The following CMIP variants were observed in gnomAD, a reference collection of about 807,000 sequenced individuals.
The protein encoded by CMIP is C-Maf-inducing protein.
A neutral mutation model predicts 97.3 loss-of-function variants in CMIP; 13 were observed. The ratio of observed to expected loss-of-function variants is 0.13; its 90% CI spans 0.09 to 0.21. The LOEUF (loss-of-function observed/expected upper bound fraction) is 0.21. Ranked by LOEUF, CMIP falls within the 10% of genes least tolerant of loss-of-function variation. The pLI is 1.00. For synonymous variants in CMIP, 538 were observed against 436.3 expected, an observed-to-expected ratio of 1.23 and a Z score of -2.91; for missense variants, 847 against 1,024.9, an observed-to-expected ratio of 0.83 and a Z score of 2.37.
chr16:81,564,555 T>A (rs2090945123), intron 1 of CMIP, among the ~76,000 whole-genome samples: 1 of 152,222 alleles, frequency 6.6e-6, no homozygotes. Context: ...AAAGCTGGCC[T>A]CTGCCAGCAG....
chr16:81,605,988 A>G (rs961083547), intron 1 of CMIP, among the ~76,000 whole-genome samples: 1 of 152,228 alleles, frequency 6.6e-6, no homozygotes, highest in African/African-American at 2.4e-5. Context: ...AGGCAGCTTC[A>G]GCCATCAACC....
rs139065394 is a variant in CMIP, at chr16:81,706,505, C to T, written c.2198-509C>T. Among the ~76,000 whole-genome samples, 78 of 152,338 alleles carry T rather than the reference C, an allele frequency of 5.1e-4. 1 individual carries two copies. The Middle Eastern group carries it at 0.01, about 20-fold the overall frequency. Reference sequence around the variant, plus strand: ...CTGGAGTCCCCCGGGGGGGCGCGGTCCTCATCAACAGCACAGATTCCTGGT... The same window carrying T: ...CTGGAGTCCCCCGGGGGGGCGCGGTTCTCATCAACAGCACAGATTCCTGGT... On this transcript the variant is annotated intron_variant, in intron 19 of 20. Transcript: ENST00000537098.
intron 1 of CMIP, among the ~76,000 whole-genome samples, chr16:81,573,087 T>TA (rs1482464437): frequency 6.6e-6 from 1 of 152,244 alleles, no homozygotes; most frequent in East Asian, 1.9e-4. Flanking sequence ...CTCATGCCTG[T>TA]AATCCCAGCA....
At chr16:81,558,898 G>A (rs1443708265) in intron 1 of CMIP, among the ~76,000 whole-genome samples, 2 of 152,252 alleles carry the variant, frequency 1.3e-5, no homozygotes, top group African/African-American at 4.8e-5. Flanking sequence ...CCCCAACCCC[G>A]CCACCAGGTA....
chr16:81,462,082 G>A (rs2150738869), intron 1 of CMIP, among the ~76,000 whole-genome samples: 1 of 152,074 alleles, frequency 6.6e-6, no homozygotes, highest in East Asian at 1.9e-4. Flanking sequence ...TTAAATTTTG[G>A]TCCATTTCTG....
Position 81,709,958 on chromosome 16 carries a change from G to A in CMIP, c.*159G>A, listed in dbSNP as rs965954015. 3.2e-6 allele frequency: 2 copies of A among 615,568 alleles called. No homozygotes were observed. Among genetic ancestry groups the A allele is most frequent in the South Asian group, 1.9e-5 (1 of 52,606 alleles). 38.1% of individuals were successfully genotyped at this position (615,568 alleles called of 1,614,324 possible). A position where few individuals can be genotyped will look rare whatever the true frequency, so the allele number is the denominator to read the frequency against. ...GCGGAGGGGGGAGGGGGTGGGGAGGGGGCCCACAAGCACGCCCAGCCCCCG... is the reference window on the plus strand; with the variant it reads ...GCGGAGGGGGGAGGGGGTGGGGAGGAGGCCCACAAGCACGCCCAGCCCCCG... On this transcript the variant is annotated 3_prime_UTR_variant, in exon 21 of 21. Transcript: ENST00000537098.
chr16:81,546,473 A>G (rs1003486142), intron 1 of CMIP, among the ~76,000 whole-genome samples: 1 of 152,070 alleles, frequency 6.6e-6, no homozygotes, highest in African/African-American at 2.4e-5. Context: ...CTTGGTGGGG[A>G]AGGAGAAGAG....
At chr16:81,558,584 G>T (rs983228045) in intron 1 of CMIP, among the ~76,000 whole-genome samples, 1 of 152,218 alleles carries the variant, frequency 6.6e-6, no homozygotes, top group African/African-American at 2.4e-5. Context: ...ACAGTGCCCA[G>T]GTGGAGACAG....
Position 81,699,672 on chromosome 16 carries a change from T to C in CMIP, c.1639-13T>C. The C allele has an allele frequency of 3.2e-6, 5 of 1,580,008 alleles. 1 individual carries two copies. The Middle Eastern group carries it at 8.3e-4, about 263-fold the overall frequency. On this transcript the variant is annotated splice_polypyrimidine_tract_variant and intron_variant, in intron 14 of 20. Transcript: ENST00000537098. Reference sequence around the variant, plus strand: ...TGTCTCTGTCCCTTCACCTGGGCCTTCTTGCCTCACAGGTGCACATCCTCA... The same window carrying C: ...TGTCTCTGTCCCTTCACCTGGGCCTCCTTGCCTCACAGGTGCACATCCTCA...
intron 1 of CMIP, among the ~76,000 whole-genome samples, chr16:81,585,166 A>C (rs1353456579): frequency 1.3e-5 from 2 of 152,036 alleles, no homozygotes; most frequent in Admixed American, 6.6e-5. Flanking sequence ...ATATGGCAAA[A>C]CCCTGTCTCT....
chr16:81,705,717 G>A, intron 19 of CMIP, 113 bp downstream of exon 19: 1 of 667,798 alleles, frequency 1.5e-6, no homozygotes, highest in Non-Finnish European at 2.6e-6. Context: ...AGAGAAATTC[G>A]TTCATTCACA....
intron 1 of CMIP, among the ~76,000 whole-genome samples, chr16:81,569,163 C>T (rs1597098961): frequency 6.6e-6 from 1 of 152,208 alleles, no homozygotes; most frequent in East Asian, 1.9e-4. Context: ...GGGGTGACCT[C>T]ACCTGGTTCT....
intron 2 of CMIP, among the ~76,000 whole-genome samples, chr16:81,618,129 A>T (rs2150957526): frequency 6.6e-6 from 1 of 152,226 alleles, no homozygotes; most frequent in Middle Eastern, 3.4e-3. Flanking sequence ...GCTTGCCCCT[A>T]ACTTTGTGGT....
chr16:81,589,414 A>G (rs536637451), intron 1 of CMIP, among the ~76,000 whole-genome samples: 6 of 152,266 alleles, frequency 3.9e-5, no homozygotes, highest in Admixed American at 1.3e-4. Context: ...GCTTTTCAAC[A>G]AATTTATATT....
intron 1 of CMIP, among the ~76,000 whole-genome samples, chr16:81,472,407 C>T (rs1047923526): frequency 2.0e-5 from 3 of 152,294 alleles, no homozygotes; most frequent in South Asian, 2.1e-4. Context: ...CTCATCTGGC[C>T]GCCCGTTCTG....
rs1192750311 is a variant in CMIP, at chr16:81,444,852, C to T, written c.-390C>T. Among the ~76,000 whole-genome samples the T allele has an allele frequency of 6.9e-6, 1 of 144,174 alleles. No homozygotes were observed. The highest frequency in any genetic ancestry group is 1.5e-5 in the Non-Finnish European group (1 of 64,866). 94.6% of individuals were successfully genotyped at this position (144,174 alleles called of 152,430 possible). ...CGCGGACACACGCTCTGTACACACG[C>T]GCGCGGCGGCGCGGGGCCCCGAGAC... is the stretch of plus-strand genomic sequence containing the variant. On this transcript the variant is annotated 5_prime_UTR_variant, in exon 1 of 21. Transcript: ENST00000537098.
intron 1 of CMIP, chr16:81,519,806 C>G (rs1378897274): frequency 1.3e-5 from 2 of 152,202 alleles, no homozygotes; most frequent in Admixed American, 1.3e-4. Context: ...GGTGCTGGGA[C>G]ATGGTAGACT....
At chr16:81,648,616 C>G (rs2092392251) in intron 3 of CMIP, among the ~76,000 whole-genome samples, 1 of 151,830 alleles carries the variant, frequency 6.6e-6, no homozygotes, top group Admixed American at 6.6e-5. Flanking sequence ...AAGCCCATCT[C>G]TACTAAAAAT....
chr16:81,536,386 C>T (rs2090343197), intron 1 of CMIP, among the ~76,000 whole-genome samples: 1 of 152,142 alleles, frequency 6.6e-6, no homozygotes, highest in Non-Finnish European at 1.5e-5. Context: ...CGGTACCTCT[C>T]TCACCTGTCA....
Sources: gnomAD v4.1 joint callset for allele counts (sites outside exome capture counted in the v4.1 genomes callset) on GRCh38, gnomAD v4.1.1 for gene constraint, MANE v1.5 for transcripts, NCBI Gene and HGNC (gene_info 2026-07-23, HGNC 2026-07-21) for gene names.